Variants in GALK2 observed in about 807,000 individuals in gnomAD.
GALK2 encodes the protein galactokinase 2.
GALK2 carries 36 observed loss-of-function variants against 52.4 expected under a neutral mutation model. The observed-to-expected ratio is 0.69, with a 90% CI of 0.53 to 0.91. The LOEUF (loss-of-function observed/expected upper bound fraction) is 0.91, where lower values mean the gene tolerates loss of function less well. GALK2 is among the 40% of genes least tolerant of loss of function. The probability of loss-of-function intolerance (pLI) is 0.00; values close to 1 mark genes in which losing one functional copy is unlikely to be tolerated. For synonymous variants in GALK2, 176 were observed against 199.1 expected (o/e 0.88, Z 0.98); for missense variants, 579 against 559.1 (o/e 1.04, Z -0.36).
intron 3 of GALK2, among the ~76,000 whole-genome samples, chr15:49,359,085 A>C (rs996835831): frequency 1.3e-5 from 2 of 152,098 alleles, no homozygotes; most frequent in African/African-American, 4.8e-5. Context: ...ACAAAAATCA[A>C]TTCAAGATAG....
exon 1 of GALK2, chr15:49,155,838 A>G: frequency 1.2e-6 from 1 of 817,530 alleles, no homozygotes; most frequent in Non-Finnish European, 2.0e-6. Context: ...TGCAGGTCTC[A>G]GCCGAAGGGC....
intron 2 of GALK2, among the ~76,000 whole-genome samples, chr15:49,210,416 ATTTAT>A (rs1555404964): frequency 6.1e-5 from 9 of 148,750 alleles, no homozygotes; most frequent in East Asian, 2.0e-4. Flanking sequence ...TTAGTGGCTG[ATTTAT>A]TTTATTTTAT....
At chr15:49,297,581 A>T (rs2141846782) in intron 8 of GALK2, among the ~76,000 whole-genome samples, 1 of 152,244 alleles carries the variant, frequency 6.6e-6, no homozygotes, top group Non-Finnish European at 1.5e-5. Context: ...TTAAGTTTTT[A>T]ATCTACCTTG....
chr15:49,193,746 G>A (rs1280352934), intron 1 of GALK2, among the ~76,000 whole-genome samples: 1 of 140,998 alleles, frequency 7.1e-6, no homozygotes, highest in African/African-American at 2.6e-5. Flanking sequence ...TTTTTTTTTT[G>A]AGATGGAGTC....
chr15:49,286,195 C>G (rs1271735590), intron 7 of GALK2, among the ~76,000 whole-genome samples: 1 of 152,178 alleles, frequency 6.6e-6, no homozygotes, highest in African/African-American at 2.4e-5. Flanking sequence ...CTTTCAGATT[C>G]AGTTTTACCT....
intron 2 of GALK2, among the ~76,000 whole-genome samples, chr15:49,207,891 T>G (rs1308791363): frequency 6.6e-6 from 1 of 152,164 alleles, no homozygotes; most frequent in East Asian, 1.9e-4. Flanking sequence ...TTCTCCTGCC[T>G]CAGCCTGAGT....
intron 5 of GALK2, among the ~76,000 whole-genome samples, chr15:49,271,673 T>A (rs182796717): frequency 6.6e-6 from 1 of 152,184 alleles, no homozygotes; most frequent in South Asian, 2.1e-4. Flanking sequence ...CCTCACGGAT[T>A]TGAAACTAGA....
chr15:49,173,487 T>G (rs1392540774), intron 1 of GALK2, among the ~76,000 whole-genome samples: 2 of 152,132 alleles, frequency 1.3e-5, no homozygotes, highest in African/African-American at 4.8e-5. Context: ...AGCCTGAAAA[T>G]CCCACAGTTT....
chr15:49,355,895 G>T (rs1375992259), intron 3 of GALK2, among the ~76,000 whole-genome samples: 1 of 151,974 alleles, frequency 6.6e-6, no homozygotes, highest in Admixed American at 6.6e-5. Context: ...GGATCTCTCG[G>T]CAGAAACCCT....
At chr15:49,177,755 GT>G in intron 1 of GALK2, 1 of 780,128 alleles carries the variant, frequency 1.3e-6, no homozygotes, top group Non-Finnish European at 1.9e-6. Flanking sequence ...TTGTGGACTG[GT>G]TTGGTGATCC....
intron 3 of GALK2, among the ~76,000 whole-genome samples, chr15:49,355,741 A>G (rs1165863154): frequency 1.1e-3 from 170 of 151,318 alleles, no homozygotes; most frequent in African/African-American, 3.8e-3. Flanking sequence ...TACAGAGAAC[A>G]CCACAAAGAT....
chr15:49,327,908 A>G (rs770920694), intron 9 of GALK2, 44 bp from the exon 10 acceptor site: 3 of 1,565,540 alleles, frequency 1.9e-6, no homozygotes, highest in Non-Finnish European at 2.6e-6. Flanking sequence ...AATCCCTTGT[A>G]TTTTCATTTA....
intron 5 of GALK2, among the ~76,000 whole-genome samples, chr15:49,261,822 T>G (rs1485840270): frequency 2.0e-5 from 3 of 152,212 alleles, no homozygotes; most frequent in Non-Finnish European, 4.4e-5. Context: ...TCTATTGAGA[T>G]AATCATGTGG....
chr15:49,339,158 A>T lies in GALK2; in HGVS notation c.426+19353A>T, dbSNP rs569228914. On this transcript the variant is annotated intron_variant, in intron 3 of 3. Transcript: ENST00000558399. The stretch of plus-strand genomic sequence containing the variant: ...AGTTTGTCAAACTTATTCTCTGTCC[A>T]GTTTTGTTCCCTTGCTGGCAAGGAG... Among the ~76,000 whole-genome samples the T allele has an allele frequency of 7.4e-4, 113 of 152,010 alleles. 2 individuals carry two copies. The South Asian group carries it at 0.011, about 15-fold the overall frequency.
Position 49,342,861 on chromosome 15 carries a change from C to G in GALK2, c.426+23056C>G, listed in dbSNP as rs188795300. On this transcript the variant is annotated intron_variant, in intron 3 of 3. Coordinates refer to the GALK2 transcript ENST00000558399. ...AATGCTGAAAATAGGCCCCCAATCT[C>G]TCCTGGCTTATAAGGTTTTTGCTGA... 4.1e-3 allele frequency among the ~76,000 whole-genome samples: 630 copies of G among 152,286 alleles called. 8 individuals carry two copies. The highest frequency in any genetic ancestry group is 0.014 in the African/African-American group (601 of 41,554).
chr15:49,207,220 A>G (rs2088369581), intron 2 of GALK2, among the ~76,000 whole-genome samples: 1 of 152,068 alleles, frequency 6.6e-6, no homozygotes, highest in African/African-American at 2.4e-5. Context: ...TTTTTGATAT[A>G]TTGTTGGATT....
At chr15:49,271,947 T>G (rs1321205097) in intron 5 of GALK2, among the ~76,000 whole-genome samples, 1 of 152,254 alleles carries the variant, frequency 6.6e-6, no homozygotes, top group Non-Finnish European at 1.5e-5. Flanking sequence ...AGGAACATTT[T>G]GATGAATCAG....
chr15:49,270,623 A>G (rs2030361130), intron 5 of GALK2, among the ~76,000 whole-genome samples: 1 of 152,178 alleles, frequency 6.6e-6, no homozygotes. Flanking sequence ...CTGACCCTAA[A>G]GATGCTTCCC....
At chr15:49,269,100 A>C (rs927411237) in intron 5 of GALK2, among the ~76,000 whole-genome samples, 42 of 152,146 alleles carry the variant, frequency 2.8e-4, no homozygotes, top group Non-Finnish European at 4.4e-5. Context: ...TTTTCAAAGG[A>C]TAGGTTTTCT....
Sources: allele counts gnomAD v4.1 joint callset (sites outside exome capture counted in the v4.1 genomes callset), GRCh38; gene constraint gnomAD v4.1.1; transcripts MANE v1.5; gene names NCBI Gene and HGNC (gene_info 2026-07-23, HGNC 2026-07-21).